The following BBX variants were observed in gnomAD, a reference collection of about 807,000 sequenced individuals.
The protein encoded by BBX is BBX high mobility group box domain containing.
A neutral mutation model predicts 100.2 loss-of-function variants in BBX; 30 were observed. The ratio of observed to expected loss-of-function variants is 0.30; its 90% CI spans 0.22 to 0.41. The LOEUF (loss-of-function observed/expected upper bound fraction) is 0.41, where lower values mean the gene tolerates loss of function less well. BBX is among the 10% of genes least tolerant of loss of function. The probability of loss-of-function intolerance (pLI) is 1.00; values close to 1 mark genes in which losing one functional copy is unlikely to be tolerated. For synonymous variants in BBX, 376 were observed against 388.1 expected (o/e 0.97, Z 0.37); for missense variants, 1,023 against 1,129.8 (o/e 0.91, Z 1.35).
At chr3:107,789,407 T>C (rs1302911068) in intron 13 of BBX, among the ~76,000 whole-genome samples, 2 of 152,196 alleles carry the variant, frequency 1.3e-5, no homozygotes, top group Admixed American at 6.5e-5. Context: ...ATTGGAGAGA[T>C]AAAACACATA....
Position 107,805,827 on chromosome 3 carries a change from CTAGT to C in BBX, c.*373_*376del, listed in dbSNP as rs2071027493. ...GTGTGAAACTAGTTTCATATATTAC[CTAGT>C]TATTCTTTCAAAACAAAACAAAAAA... On this transcript the variant is annotated 3_prime_UTR_variant, in exon 18 of 18. Transcript: ENST00000325805. The C allele has an allele frequency of 7.9e-6, 2 of 252,174 alleles. No homozygotes were observed. Among genetic ancestry groups the C allele is most frequent in the Non-Finnish European group, 1.5e-5 (2 of 133,376 alleles). 15.6% of individuals were successfully genotyped at this position (252,174 alleles called of 1,614,324 possible).
intron 1 of BBX, 123 bp downstream of exon 1, chr3:107,523,230 G>T (rs1188546963): frequency 8.9e-6 from 2 of 224,372 alleles, no homozygotes; most frequent in African/African-American, 2.4e-5. Context: ...CGGCGGCGGC[G>T]GCGGCGGCGG....
intron 17 of BBX, 57 bp from the exon 18 acceptor site, chr3:107,805,313 T>C (rs1050929518): frequency 6.6e-7 from 1 of 1,521,430 alleles, no homozygotes; most frequent in African/African-American, 1.4e-5. Context: ...CATCGTCCTC[T>C]CCTGTCTCTA....
At chr3:107,646,606 A>G (rs1314830157) in intron 3 of BBX, among the ~76,000 whole-genome samples, 2 of 152,112 alleles carry the variant, frequency 1.3e-5, no homozygotes, top group Non-Finnish European at 2.9e-5. Flanking sequence ...AGTTTTCCCA[A>G]TCTGGGAATC....
intron 2 of BBX, among the ~76,000 whole-genome samples, chr3:107,644,864 A>G (rs749151786): frequency 3.3e-5 from 5 of 152,182 alleles, no homozygotes; most frequent in Non-Finnish European, 7.4e-5. Flanking sequence ...AGATAGGATT[A>G]CTCAGATGAA....
chr3:107,618,201 C>A (rs760808116), intron 2 of BBX, among the ~76,000 whole-genome samples: 2 of 151,742 alleles, frequency 1.3e-5, no homozygotes, highest in African/African-American at 4.8e-5. Flanking sequence ...ATGGACTCAT[C>A]CTTGTATTCC....
chr3:107,786,328 T>A (rs1412574533), intron 13 of BBX, among the ~76,000 whole-genome samples: 1 of 152,056 alleles, frequency 6.6e-6, no homozygotes, highest in East Asian at 1.9e-4. Flanking sequence ...CTAAAATTAA[T>A]GTAGAATTGC....
rs61081300 is a variant in BBX at position 107,638,780 on chromosome 3, TACACACACACACACAC to T, written c.-83-7018_-83-7003del. Among the ~76,000 whole-genome samples the T allele has an allele frequency of 6.2e-3, 622 of 99,868 alleles. 11 individuals carry two copies. The highest frequency in any genetic ancestry group is 0.016 in the African/African-American group (394 of 24,886). 65.5% of individuals were successfully genotyped at this position (99,868 alleles called of 152,430 possible). On this transcript the variant is annotated intron_variant, in intron 2 of 17. Coordinates refer to ENST00000325805, the MANE Select transcript of BBX (RefSeq NM_001142568.3). Reference sequence around the variant, plus strand: ...TACCAAAAAAAAAAAAAAAAAAGTATACACACACACACACACACACACACACACACACACACACACA... The same window carrying T: ...TACCAAAAAAAAAAAAAAAAAAGTATACACACACACACACACACACACACA...
intron 7 of BBX, among the ~76,000 whole-genome samples, chr3:107,743,778 A>T (rs552012380): frequency 3.9e-4 from 60 of 152,278 alleles, no homozygotes; most frequent in African/African-American, 1.2e-3. Context: ...AAGTTTTTTT[A>T]AAAAAGAACA....
intron 3 of BBX, among the ~76,000 whole-genome samples, chr3:107,673,144 C>T (rs1478758705): frequency 6.6e-6 from 1 of 151,846 alleles, no homozygotes; most frequent in East Asian, 1.9e-4. Context: ...AAGATTATTC[C>T]TAAATCAAGT....
chr3:107,729,217 A>G lies in BBX; in HGVS notation c.601+257A>G, dbSNP rs760766516. On this transcript the variant is annotated intron_variant, in intron 6 of 17. Transcript: ENST00000325805. ...ACATTGACAGTATGGAAAAGTAGAC[A>G]GCAACATGGAGATTGTCAGAAGCTT... 3.7e-4 allele frequency among the ~76,000 whole-genome samples: 57 copies of G among 152,308 alleles called. 1 individual carries two copies. Among genetic ancestry groups the G allele is most frequent in the South Asian group, 1.0e-3 (5 of 4,828 alleles).
At chr3:107,607,348 T>C (rs911079816) in intron 2 of BBX, among the ~76,000 whole-genome samples, 3 of 152,214 alleles carry the variant, frequency 2.0e-5, no homozygotes, top group Non-Finnish European at 4.4e-5. Flanking sequence ...CCCAAAGTGC[T>C]GGGATTACAG....
chr3:107,622,594 A>C (rs755997563), intron 2 of BBX, among the ~76,000 whole-genome samples: 8 of 152,070 alleles, frequency 5.3e-5, no homozygotes, highest in Non-Finnish European at 1.0e-4. Flanking sequence ...CTTGTTAGAG[A>C]ATTTTTATAA....
At chr3:107,661,570 G>A (rs2058445415) in intron 3 of BBX, among the ~76,000 whole-genome samples, 1 of 152,078 alleles carries the variant, frequency 6.6e-6, no homozygotes, top group Admixed American at 6.6e-5. Flanking sequence ...AATGGTTGAC[G>A]GTATCACAGA....
At chr3:107,733,115 C>G (rs745941544) in intron 7 of BBX, 92 bp downstream of exon 7, 16 of 1,046,834 alleles carry the variant, frequency 1.5e-5, no homozygotes, top group Non-Finnish European at 2.1e-5. Flanking sequence ...TGCATTTTCA[C>G]TGTTTACAGC....
At chr3:107,655,742 C>A (rs375166752) in intron 3 of BBX, among the ~76,000 whole-genome samples, 2 of 151,338 alleles carry the variant, frequency 1.3e-5, no homozygotes, top group African/African-American at 4.8e-5. Context: ...GCTCTGTCCC[C>A]CAGGCTGGAA....
intron 3 of BBX, among the ~76,000 whole-genome samples, chr3:107,695,997 T>A (rs920745146): frequency 1.3e-5 from 2 of 151,836 alleles, no homozygotes; most frequent in African/African-American, 4.9e-5. Context: ...AAGTCTGTTT[T>A]ATCAGAGACT....
At chr3:107,730,666 A>G (rs575845944) in intron 6 of BBX, among the ~76,000 whole-genome samples, 3 of 152,302 alleles carry the variant, frequency 2.0e-5, no homozygotes, top group African/African-American at 7.2e-5. Context: ...ATCTTTACAG[A>G]TCGGTATTTA....
At chr3:107,584,836 C>T in intron 2 of BBX, among the ~76,000 whole-genome samples, 1 of 151,620 alleles carries the variant, frequency 6.6e-6, no homozygotes, top group Non-Finnish European at 1.5e-5. Context: ...GGATTACAGG[C>T]ATGCGCAACC....
Sources: gnomAD v4.1 joint callset for allele counts (sites outside exome capture counted in the v4.1 genomes callset) on GRCh38, gnomAD v4.1.1 for gene constraint, MANE v1.5 for transcripts, NCBI Gene and HGNC (gene_info 2026-07-23, HGNC 2026-07-21) for gene names.